KSR2: variants seen among roughly 807,000 people sequenced by gnomAD.
KSR2 encodes kinase suppressor of ras 2.
Under a neutral mutation model 107.8 loss-of-function variants are expected in KSR2, and 25 were observed. The observed-to-expected ratio is 0.23, with a 90% CI of 0.17 to 0.32. The LOEUF is 0.32. Among genes scored for constraint, KSR2 ranks in the 10% least tolerant of loss-of-function variants. KSR2 has a pLI of 1.00. For synonymous variants in KSR2, 480 were observed against 507.0 expected, an observed-to-expected ratio of 0.95 and a Z score of 0.71; for missense variants, 887 against 1,268.9, an observed-to-expected ratio of 0.70 and a Z score of 4.57.
intron 14 of KSR2, among the ~76,000 whole-genome samples, chr12:117,504,856 T>G (rs960318623): frequency 6.6e-6 from 1 of 152,212 alleles, no homozygotes; most frequent in African/African-American, 2.4e-5. Context: ...GTACCTGTCA[T>G]CTGAATAGTG....
intron 10 of KSR2, 44 bp from the exon 11 acceptor site, chr12:117,531,751 A>T (rs1345957274): frequency 3.3e-6 from 5 of 1,519,690 alleles, no homozygotes; most frequent in Admixed American, 1.9e-5. Flanking sequence ...CCCCAGGGAG[A>T]CATCGCTTCA....
chr12:117,825,083 G>C (rs1471133395), intron 3 of KSR2, among the ~76,000 whole-genome samples: 2 of 152,000 alleles, frequency 1.3e-5, no homozygotes, highest in African/African-American at 4.8e-5. Flanking sequence ...TCAGGAGACT[G>C]GACAGGAGAA....
intron 3 of KSR2, among the ~76,000 whole-genome samples, chr12:117,786,779 G>A (rs1026252044): frequency 6.6e-6 from 1 of 152,120 alleles, no homozygotes; most frequent in Non-Finnish European, 1.5e-5. Flanking sequence ...TCGCACCATT[G>A]CACTCCAGCC....
At chr12:117,558,698 G>A (rs1592991980) in intron 7 of KSR2, 125 bp from the exon 8 acceptor site, 2 of 705,012 alleles carry the variant, frequency 2.8e-6, no homozygotes, top group South Asian at 3.2e-5. Context: ...TGGATGGGTA[G>A]ATGGATGGGG....
Position 117,694,156 on chromosome 12 carries a change from G to A in KSR2, c.987-26498C>T, listed in dbSNP as rs575496943. Among the ~76,000 whole-genome samples, 88 of 152,264 alleles carry A rather than the reference G, an allele frequency of 5.8e-4. 1 individual carries two copies. In the South Asian group the frequency reaches 0.017, roughly 29 times the overall value. ...CACCACGGCAGTTCCTCTAAAAATT[G>A]AAAACAGAATTACCATATGATATGG... On this transcript the variant is annotated intron_variant, in intron 4 of 19. Transcript: ENST00000339824.
intron 5 of KSR2, among the ~76,000 whole-genome samples, chr12:117,617,026 G>A (rs1881925645): frequency 6.6e-6 from 1 of 152,152 alleles, no homozygotes; most frequent in South Asian, 2.1e-4. Context: ...GATGTTTGTG[G>A]ATGTGGTTTC....
At chr12:117,575,849 T>G (rs186207942) in intron 7 of KSR2, among the ~76,000 whole-genome samples, 5 of 152,320 alleles carry the variant, frequency 3.3e-5, no homozygotes, top group Admixed American at 3.3e-4. Context: ...TTTAATTGAC[T>G]CCTTCCAACA....
At chr12:117,671,357 C>T (rs186913083) in intron 4 of KSR2, among the ~76,000 whole-genome samples, 5 of 151,916 alleles carry the variant, frequency 3.3e-5, no homozygotes, top group Non-Finnish European at 7.4e-5. Flanking sequence ...GATAGATAGA[C>T]AGACAGACGG....
chr12:117,769,088 C>A (rs550073616), intron 3 of KSR2, among the ~76,000 whole-genome samples: 2 of 152,270 alleles, frequency 1.3e-5, no homozygotes, highest in South Asian at 4.1e-4. Context: ...TGCAGGACAC[C>A]CAAGAGCAGA....
chr12:117,953,804 T>A (rs1463850891), intron 1 of KSR2, among the ~76,000 whole-genome samples: 1 of 152,218 alleles, frequency 6.6e-6, no homozygotes, highest in East Asian at 1.9e-4. Flanking sequence ...ATAGTTGAAA[T>A]GGGCAGGGCA....
chr12:117,525,461 T>C (rs1200497966), intron 13 of KSR2, among the ~76,000 whole-genome samples: 2 of 152,148 alleles, frequency 1.3e-5, no homozygotes, highest in African/African-American at 4.8e-5. Context: ...AATGGGGGGA[T>C]ACTGAGGCTC....
At chr12:117,549,927 T>A (rs899023913) in intron 9 of KSR2, among the ~76,000 whole-genome samples, 1 of 152,312 alleles carries the variant, frequency 6.6e-6, no homozygotes, top group African/African-American at 2.4e-5. Context: ...TACTCACTTA[T>A]CCTGGCAGAA....
At chr12:117,717,664 CAGGT>C (rs1263002602) in intron 4 of KSR2, among the ~76,000 whole-genome samples, 1 of 135,884 alleles carries the variant, frequency 7.4e-6, no homozygotes, top group Non-Finnish European at 1.6e-5. Context: ...GTGGGGCAGA[CAGGT>C]GTGTGTGTGT....
At chr12:117,838,319 C>A (rs985721642) in intron 3 of KSR2, among the ~76,000 whole-genome samples, 1 of 152,226 alleles carries the variant, frequency 6.6e-6, no homozygotes, top group Non-Finnish European at 1.5e-5. Context: ...AGGCGCACAC[C>A]ACCACACCCA....
chr12:117,721,232 T>G (rs564167933), intron 4 of KSR2, among the ~76,000 whole-genome samples: 13 of 152,260 alleles, frequency 8.5e-5, no homozygotes, highest in African/African-American at 3.1e-4. Flanking sequence ...CGGAGAAGCA[T>G]GGATACCAAT....
In KSR2 at chr12:117,621,865, AC is replaced by A. The variant is rs1278928073; in HGVS notation, c.1172-39507del. The stretch of plus-strand genomic sequence containing the variant: ...TAATCATAATGCAGACCTTCTCCCC[AC>A]AAGCCAACCTCTACCACTGTCTCCT... On this transcript the variant is annotated intron_variant, in intron 5 of 19. Transcript: ENST00000339824. 2.0e-5 allele frequency among the ~76,000 whole-genome samples: 3 copies of A among 152,238 alleles called. No individual in the cohort carries two copies. In the East Asian group the frequency reaches 5.8e-4, roughly 29 times the overall value.
At chr12:117,958,012 T>C (rs1896564465) in intron 1 of KSR2, among the ~76,000 whole-genome samples, 2 of 152,114 alleles carry the variant, frequency 1.3e-5, no homozygotes, top group African/African-American at 4.8e-5. Flanking sequence ...TTTGTATTTT[T>C]AGTAGAGACG....
intron 8 of KSR2, among the ~76,000 whole-genome samples, chr12:117,557,723 A>G (rs1412526799): frequency 6.6e-6 from 1 of 152,230 alleles, no homozygotes; most frequent in African/African-American, 2.4e-5. Flanking sequence ...TTAAATAGTC[A>G]AATGTAGCTA....
intron 17 of KSR2, among the ~76,000 whole-genome samples, chr12:117,472,442 A>C (rs1195189282): frequency 6.6e-6 from 1 of 152,194 alleles, no homozygotes; most frequent in Non-Finnish European, 1.5e-5. Context: ...ATGGGGACAG[A>C]TCTCAGCGCT....
Sources: gnomAD v4.1 joint callset for allele counts (sites outside exome capture counted in the v4.1 genomes callset) on GRCh38, gnomAD v4.1.1 for gene constraint, MANE v1.5 for transcripts, NCBI Gene and HGNC (gene_info 2026-07-23, HGNC 2026-07-21) for gene names.